The following TTC29 variants were observed in gnomAD, a reference collection of about 807,000 sequenced individuals.
TTC29 encodes tetratricopeptide repeat domain 29, also known as tetratricopeptide repeat protein 29.
In TTC29, 49 loss-of-function variants were observed where a neutral mutation model predicts 58.1. The observed-to-expected ratio is 0.84, with a 90% CI of 0.67 to 1.07. The LOEUF (loss-of-function observed/expected upper bound fraction) is 1.07. Ranked by LOEUF, TTC29 falls within the 50% of genes least tolerant of loss-of-function variation. The pLI is 0.00. For synonymous variants in TTC29, 209 were observed against 196.8 expected, an observed-to-expected ratio of 1.06 and a Z score of -0.52; for missense variants, 582 against 555.6, an observed-to-expected ratio of 1.05 and a Z score of -0.48.
chr4:146,733,107 T>C (rs1744460163), intron 11 of TTC29, among the ~76,000 whole-genome samples: 1 of 152,046 alleles, frequency 6.6e-6, no homozygotes, highest in Non-Finnish European at 1.5e-5. Context: ...TGGGGAGATT[T>C]GGGAGATGAG....
chr4:146,765,340 G>A (rs551624095), intron 11 of TTC29, among the ~76,000 whole-genome samples: 64 of 152,100 alleles, frequency 4.2e-4, no homozygotes, highest in Non-Finnish European at 8.1e-4. Flanking sequence ...TTAAATGCTC[G>A]GTCATTTCTT....
chr4:146,906,102 A>G (rs949524780), intron 5 of TTC29, among the ~76,000 whole-genome samples: 2 of 152,156 alleles, frequency 1.3e-5, no homozygotes, highest in African/African-American at 4.8e-5. Flanking sequence ...CCCATGGGGC[A>G]TAAGGCTCAA....
chr4:146,916,848 A>G (rs1378669386), intron 4 of TTC29, among the ~76,000 whole-genome samples: 1 of 151,488 alleles, frequency 6.6e-6, no homozygotes, highest in East Asian at 1.9e-4. Context: ...GTAGCTGTCT[A>G]TGAGATCAGT....
intron 11 of TTC29, among the ~76,000 whole-genome samples, chr4:146,750,489 G>A (rs1327490815): frequency 6.6e-6 from 1 of 151,998 alleles, no homozygotes; most frequent in Non-Finnish European, 1.5e-5. Context: ...CTAGTATGAA[G>A]GTTAAAAATA....
intron 10 of TTC29, among the ~76,000 whole-genome samples, chr4:146,808,042 T>G (rs1201065075): frequency 6.6e-6 from 1 of 152,192 alleles, no homozygotes; most frequent in Non-Finnish European, 1.5e-5. Flanking sequence ...TTATTCATCA[T>G]GACCAAATTG....
intron 11 of TTC29, among the ~76,000 whole-genome samples, chr4:146,767,757 C>T (rs981730422): frequency 6.6e-6 from 1 of 152,018 alleles, no homozygotes; most frequent in Non-Finnish European, 1.5e-5. Context: ...TTCTACTTCA[C>T]AGTTGTAATC....
chr4:146,785,401 T>C (rs1748938167), intron 11 of TTC29, among the ~76,000 whole-genome samples: 1 of 152,198 alleles, frequency 6.6e-6, no homozygotes, highest in African/African-American at 2.4e-5. Context: ...ACAAAAATGT[T>C]TGGCTTGTTG....
chr4:146,941,570 G>A (rs181551486), intron 2 of TTC29, among the ~76,000 whole-genome samples: 7 of 152,274 alleles, frequency 4.6e-5, no homozygotes, highest in Non-Finnish European at 8.8e-5. Context: ...CAGAGCACTA[G>A]AAACTACCCA....
At chr4:146,784,065 A>G (rs1021440119) in intron 11 of TTC29, among the ~76,000 whole-genome samples, 3 of 149,796 alleles carry the variant, frequency 2.0e-5, no homozygotes, top group Non-Finnish European at 4.4e-5. Context: ...GCTAAGTCTC[A>G]GGTATAGTAT....
At chr4:146,771,009 A>C (rs566735763) in intron 11 of TTC29, among the ~76,000 whole-genome samples, 1 of 152,208 alleles carries the variant, frequency 6.6e-6, no homozygotes, top group South Asian at 2.1e-4. Context: ...TTAGTTCTAA[A>C]GTTTTAGCTG....
At chr4:146,766,538 A>G (rs1304991785) in intron 11 of TTC29, among the ~76,000 whole-genome samples, 3 of 152,082 alleles carry the variant, frequency 2.0e-5, no homozygotes, top group Admixed American at 6.6e-5. Flanking sequence ...TTTCTTGCAT[A>G]TGGACAACCT....
At chr4:146,792,351 C>G (rs1395482514) in intron 11 of TTC29, among the ~76,000 whole-genome samples, 1 of 152,182 alleles carries the variant, frequency 6.6e-6, no homozygotes, top group Non-Finnish European at 1.5e-5. Flanking sequence ...CACCTGTGCT[C>G]TATAAATGGA....
intron 8 of TTC29, among the ~76,000 whole-genome samples, chr4:146,858,173 C>A (rs911179792): frequency 6.6e-6 from 1 of 152,144 alleles, no homozygotes; most frequent in African/African-American, 2.4e-5. Flanking sequence ...CACAAAGACA[C>A]AGTGAAGCTG....
intron 11 of TTC29, among the ~76,000 whole-genome samples, chr4:146,735,394 A>T (rs540428904): frequency 1.3e-5 from 2 of 152,290 alleles, no homozygotes; most frequent in East Asian, 3.9e-4. Context: ...TAACTTAGGG[A>T]CAGTATCTTT....
At chr4:146,793,232 T>C (rs943882696) in intron 11 of TTC29, among the ~76,000 whole-genome samples, 1 of 152,168 alleles carries the variant, frequency 6.6e-6, no homozygotes, top group African/African-American at 2.4e-5. Flanking sequence ...TCAAACAGCA[T>C]TGCATACTAC....
chr4:146,896,667 C>T (rs1190680728), intron 6 of TTC29, among the ~76,000 whole-genome samples: 1 of 152,116 alleles, frequency 6.6e-6, no homozygotes, highest in Non-Finnish European at 1.5e-5. Context: ...TCCTCAGGAA[C>T]TTCCATATTT....
At chr4:146,825,467 CTG>C (rs1329972669) in intron 9 of TTC29, among the ~76,000 whole-genome samples, 4 of 152,154 alleles carry the variant, frequency 2.6e-5, no homozygotes, top group Non-Finnish European at 4.4e-5. Context: ...ATCTGAGAGA[CTG>C]TTGGTTATGA....
chr4:146,872,659 G>A (rs982513603), intron 7 of TTC29, among the ~76,000 whole-genome samples: 5 of 151,800 alleles, frequency 3.3e-5, no homozygotes, highest in Non-Finnish European at 5.9e-5. Context: ...GGGCCAACAG[G>A]GAAATGCAAA....
Position 146,817,197 on chromosome 4 carries a change from C to T in TTC29, c.1101+2928G>A, listed in dbSNP as rs1001035890. On this transcript the variant is annotated intron_variant, in intron 10 of 12. Transcript: ENST00000325106. The stretch of plus-strand genomic sequence containing the variant: ...CCTAGAAAACCCCATTGTCTCAGCC[C>T]AAAATCTCCTTAAGCTGATAAGCAA... 9.2e-5 allele frequency among the ~76,000 whole-genome samples: 14 copies of T among 152,250 alleles called. No individual in the cohort carries two copies. In the East Asian group the frequency reaches 2.7e-3, roughly 29 times the overall value.
Sources: gnomAD v4.1 joint callset for allele counts (sites outside exome capture counted in the v4.1 genomes callset) on GRCh38, gnomAD v4.1.1 for gene constraint, MANE v1.5 for transcripts, NCBI Gene and HGNC (gene_info 2026-07-23, HGNC 2026-07-21) for gene names.